MYCBP2: variants seen among roughly 807,000 people sequenced by gnomAD.
MYCBP2 encodes MYC binding protein 2.
In MYCBP2, 120 loss-of-function variants were observed where a neutral mutation model predicts 525.3. The ratio of observed to expected loss-of-function variants is 0.23; its 90% CI spans 0.20 to 0.27. The LOEUF (loss-of-function observed/expected upper bound fraction) is 0.27. Among genes scored for constraint, MYCBP2 ranks in the 10% least tolerant of loss-of-function variants. MYCBP2 has a pLI of 1.00. For missense variants in MYCBP2, 4,149 were observed against 5,657.1 expected (o/e 0.73, Z 8.55); for synonymous variants, 1,894 against 1,955.8 (o/e 0.97, Z 0.83).
At chr13:77,200,372 C>T (rs2062358942) in intron 26 of MYCBP2, among the ~76,000 whole-genome samples, 1 of 152,062 alleles carries the variant, frequency 6.6e-6, no homozygotes, top group Admixed American at 6.5e-5. Flanking sequence ...AACAAAGCCT[C>T]CAAGAAATAT....
intron 72 of MYCBP2, among the ~76,000 whole-genome samples, chr13:77,065,129 A>G (rs2039991949): frequency 6.6e-6 from 1 of 152,210 alleles, no homozygotes; most frequent in African/African-American, 2.4e-5. Flanking sequence ...AACCTAAAAT[A>G]TAAACAGGTT....
intron 1 of MYCBP2, among the ~76,000 whole-genome samples, chr13:77,311,957 G>A (rs866981718): frequency 1.6e-4 from 25 of 152,090 alleles, no homozygotes; most frequent in Non-Finnish European, 2.9e-4. Flanking sequence ...AAATTAAGCT[G>A]CTGAAAACCA....
intron 66 of MYCBP2, among the ~76,000 whole-genome samples, chr13:77,078,423 T>C (rs946073401): frequency 2.0e-5 from 3 of 152,196 alleles, no homozygotes; most frequent in African/African-American, 7.2e-5. Flanking sequence ...TGGATATAGC[T>C]GCAGTGTTAT....
intron 52 of MYCBP2, among the ~76,000 whole-genome samples, chr13:77,127,279 C>T (rs187247438): frequency 3.3e-5 from 5 of 151,902 alleles, no homozygotes; most frequent in East Asian, 1.9e-4. Flanking sequence ...GTAAATATAA[C>T]GTAAATTTAT....
intron 63 of MYCBP2, 187 bp from the exon 64 acceptor site, chr13:77,082,180 T>G: frequency 1.9e-6 from 1 of 521,576 alleles, no homozygotes; most frequent in Non-Finnish European, 3.3e-6. Context: ...AGGTAACTTC[T>G]TTGGAACAAG....
intron 3 of MYCBP2, among the ~76,000 whole-genome samples, chr13:77,287,233 C>A (rs1385722654): frequency 7.0e-6 from 1 of 142,654 alleles, no homozygotes; most frequent in Non-Finnish European, 1.5e-5. Context: ...TCACCCAGGC[C>A]GGAGTGCAAT....
chr13:77,134,204 C>G (rs1450923991), intron 52 of MYCBP2, among the ~76,000 whole-genome samples: 1 of 152,002 alleles, frequency 6.6e-6, no homozygotes, highest in Non-Finnish European at 1.5e-5. Context: ...AACAAAGACT[C>G]TTAAGACATA....
At chr13:77,281,927 A>T (rs2076227989) in intron 3 of MYCBP2, among the ~76,000 whole-genome samples, 2 of 152,238 alleles carry the variant, frequency 1.3e-5, no homozygotes, top group African/African-American at 4.8e-5. Context: ...TCAAAAGGAA[A>T]TCAAAATTAT....
intron 46 of MYCBP2, 22 bp downstream of exon 46, chr13:77,156,036 A>G (rs1379432014): frequency 1.2e-6 from 2 of 1,605,650 alleles, no homozygotes; most frequent in Non-Finnish European, 1.7e-6. Context: ...GATGTCTGCT[A>G]ATTTAATCCA....
chr13:77,087,593 G>C lies in MYCBP2; in HGVS notation c.10766C>G (p.Ser3589Cys), dbSNP rs1279205430. The change falls in exon 62 of 83, where the codon TCT becomes TGT. Residue 3589 changes from serine to cysteine, a missense_variant. Transcript: ENST00000544440. ...WLLCNVIQTT[S>C]LHDILWHFVA... ...AAAATGCCACAGAATATCATGGAGA[G>C]AAGTGGTTTGGATGACATTACACAG... 1 of 1,613,088 alleles carries C rather than the reference G, an allele frequency of 6.2e-7. No individual in the cohort carries two copies. Among genetic ancestry groups the C allele is most frequent in the Non-Finnish European group, 8.5e-7 (1 of 1,179,538 alleles).
chr13:77,051,597 G>T (rs531020119), intron 81 of MYCBP2, among the ~76,000 whole-genome samples: 2 of 152,066 alleles, frequency 1.3e-5, no homozygotes, highest in Non-Finnish European at 2.9e-5. Flanking sequence ...TTTAACTATG[G>T]TGATCATTTC....
In MYCBP2 at chr13:77,325,972, A is replaced by G. The variant is rs190811479; in HGVS notation, c.302+502T>C. The stretch of plus-strand genomic sequence containing the variant: ...CTATACCATGACTCCTCTTGGTGAA[A>G]GGCAGATTGAAGGGAGGTGGAAAGG... On this transcript the variant is annotated intron_variant, in intron 1 of 82. Coordinates refer to ENST00000544440, the MANE Select transcript of MYCBP2 (RefSeq NM_015057.5). Among the ~76,000 whole-genome samples, 12 of 152,268 alleles carry G rather than the reference A, an allele frequency of 7.9e-5. No individual in the cohort carries two copies. In the East Asian group the frequency reaches 1.9e-3, roughly 24 times the overall value.
intron 10 of MYCBP2, among the ~76,000 whole-genome samples, chr13:77,262,839 A>G (rs111269915): frequency 6.6e-6 from 1 of 151,988 alleles, no homozygotes; most frequent in South Asian, 2.1e-4. Flanking sequence ...TAAAAATTTT[A>G]AATCTGTAAT....
chr13:77,152,937 T>C (rs1594945706), intron 46 of MYCBP2, among the ~76,000 whole-genome samples: 2 of 151,554 alleles, frequency 1.3e-5, no homozygotes, highest in South Asian at 2.1e-4. Context: ...TGGTGGCGGG[T>C]GCCTGTAGTC....
In MYCBP2 at chr13:77,059,503, C is replaced by T; in HGVS notation, c.13140+20G>A. Reference sequence around the variant, plus strand: ...AGGGGAACATGGACAATGGGATGGCCTGTGTCACTATATACTCACCTGGCA... The same window carrying T: ...AGGGGAACATGGACAATGGGATGGCTTGTGTCACTATATACTCACCTGGCA... On this transcript the variant is annotated intron_variant, in intron 77 of 82. Transcript: ENST00000544440. 1.9e-6 allele frequency: 3 copies of T among 1,567,622 alleles called. No homozygotes were observed. The highest frequency in any genetic ancestry group is 2.6e-6 in the Non-Finnish European group (3 of 1,137,874).
At chr13:77,173,339 A>G (rs2059320771) in intron 37 of MYCBP2, among the ~76,000 whole-genome samples, 1 of 152,222 alleles carries the variant, frequency 6.6e-6, no homozygotes, top group Admixed American at 6.5e-5. Flanking sequence ...TACGCATAAC[A>G]GAGTTTTTAA....
chr13:77,110,524 C>T (rs887685806), intron 55 of MYCBP2, among the ~76,000 whole-genome samples: 1 of 152,138 alleles, frequency 6.6e-6, no homozygotes, highest in Non-Finnish European at 1.5e-5. Context: ...CTTTGCTTTG[C>T]CCTTTGCCTT....
intron 26 of MYCBP2, among the ~76,000 whole-genome samples, chr13:77,204,306 A>G (rs1266269060): frequency 6.6e-6 from 1 of 150,878 alleles, no homozygotes; most frequent in Non-Finnish European, 1.5e-5. Flanking sequence ...AATGCTCACC[A>G]TCACTGGCCA....
intron 17 of MYCBP2, among the ~76,000 whole-genome samples, chr13:77,239,819 A>G (rs1167270563): frequency 6.6e-6 from 1 of 152,202 alleles, no homozygotes; most frequent in African/African-American, 2.4e-5. Flanking sequence ...CCATCCAATT[A>G]AAATAAAAAT....
Sources: gnomAD v4.1 joint callset for allele counts (sites outside exome capture counted in the v4.1 genomes callset) on GRCh38, gnomAD v4.1.1 for gene constraint, MANE v1.5 for transcripts, NCBI Gene and HGNC (gene_info 2026-07-23, HGNC 2026-07-21) for gene names.